Variants in CDH13 observed in about 807,000 individuals in gnomAD.
CDH13 encodes cadherin 13.
CDH13 carries 24 observed loss-of-function variants against 63.8 expected under a neutral mutation model. The ratio of observed to expected loss-of-function variants is 0.38; its 90% CI spans 0.27 to 0.53. CDH13 has a LOEUF of 0.53. Among genes scored for constraint, CDH13 ranks in the 20% least tolerant of loss-of-function variants. The pLI is 0.85. For synonymous variants in CDH13, 503 were observed against 355.3 expected (o/e 1.42, Z -4.67); for missense variants, 1,049 against 903.1 (o/e 1.16, Z -2.07).
At chr16:83,463,089 A>G (rs2073221294) in intron 6 of CDH13, among the ~76,000 whole-genome samples, 1 of 152,070 alleles carries the variant, frequency 6.6e-6, no homozygotes, top group Non-Finnish European at 1.5e-5. Flanking sequence ...CTCGGGAAGG[A>G]GTGTTGGGGC....
intron 3 of CDH13, among the ~76,000 whole-genome samples, chr16:83,057,163 C>T (rs2031032368): frequency 2.0e-5 from 3 of 152,098 alleles, no homozygotes; most frequent in Admixed American, 1.3e-4. Context: ...AATGGGGTTT[C>T]ACCATGTTGG....
At chr16:83,315,181 T>C (rs1388229972) in intron 5 of CDH13, among the ~76,000 whole-genome samples, 2 of 152,248 alleles carry the variant, frequency 1.3e-5, no homozygotes, top group African/African-American at 4.8e-5. Flanking sequence ...CCTAAGCTCA[T>C]ATGTGGAAGC....
rs1000799130 is a variant in CDH13, at chr16:83,509,750, G to C, written c.960+23095G>C. ...AAAAAATACTAATAATAAAAACTAA[G>C]TTTTATTAAAGCCTTATTATGAGTC... On this transcript the variant is annotated intron_variant, in intron 7 of 13. Coordinates refer to ENST00000567109, the MANE Select transcript of CDH13 (RefSeq NM_001257.5). Among the ~76,000 whole-genome samples the C allele has an allele frequency of 2.0e-5, 3 of 152,128 alleles. No homozygotes were observed. The East Asian group carries it at 5.8e-4, about 29-fold the overall frequency.
chr16:83,259,919 G>A (rs1381348846), intron 5 of CDH13, among the ~76,000 whole-genome samples: 1 of 152,052 alleles, frequency 6.6e-6, no homozygotes, highest in Non-Finnish European at 1.5e-5. Context: ...TGCTCATCGT[G>A]CAACCAAATG....
chr16:83,439,638 A>G (rs1411747961), intron 6 of CDH13, among the ~76,000 whole-genome samples: 3 of 152,190 alleles, frequency 2.0e-5, no homozygotes, highest in African/African-American at 7.2e-5. Flanking sequence ...GGCTTCGGCA[A>G]TGTTCAGGTC....
rs533088141 is a variant in CDH13 at position 83,201,596 on chromosome 16, G to A, written c.484-15749G>A. ...AGCATAATTTGGGACCAAGGCTGAGGAATAAGATTGAGTAACGTTGGCTGG... is the reference window on the plus strand; with the variant it reads ...AGCATAATTTGGGACCAAGGCTGAGAAATAAGATTGAGTAACGTTGGCTGG... On this transcript the variant is annotated intron_variant, in intron 4 of 13. Coordinates refer to ENST00000567109, the MANE Select transcript of CDH13 (RefSeq NM_001257.5). Among the ~76,000 whole-genome samples, 273 of 152,122 alleles carry A rather than the reference G, an allele frequency of 1.8e-3. 2 individuals carry two copies. The highest frequency in any genetic ancestry group is 6.2e-3 in the African/African-American group (259 of 41,528).
At chr16:82,954,533 T>G (rs1905767555) in intron 2 of CDH13, 3 of 152,082 alleles carry the variant, frequency 2.0e-5, no homozygotes, top group African/African-American at 7.2e-5. Flanking sequence ...TTCCAAAGAA[T>G]TTTTTTGCTC....
chr16:83,582,656 G>T (rs540168851), intron 7 of CDH13, among the ~76,000 whole-genome samples: 7 of 152,144 alleles, frequency 4.6e-5, no homozygotes, highest in Non-Finnish European at 8.8e-5. Flanking sequence ...CTTCCCAGCC[G>T]TGGGACATTT....
At chr16:82,654,025 C>T (rs566432297) in intron 1 of CDH13, among the ~76,000 whole-genome samples, 2 of 152,310 alleles carry the variant, frequency 1.3e-5, no homozygotes, top group African/African-American at 4.8e-5. Context: ...GTTGGAATCA[C>T]TCAGGCAGAG....
At chr16:83,763,768 T>C (rs896795237) in intron 11 of CDH13, among the ~76,000 whole-genome samples, 7 of 152,082 alleles carry the variant, frequency 4.6e-5, no homozygotes, top group African/African-American at 1.7e-4. Context: ...ACTCGCAAAA[T>C]ATCAGTCATG....
At chr16:83,049,325 C>CTTTTTTT (rs34082309) in intron 3 of CDH13, among the ~76,000 whole-genome samples, 4 of 126,100 alleles carry the variant, frequency 3.2e-5, no homozygotes, top group African/African-American at 9.2e-5. Flanking sequence ...TGACTGGCCT[C>CTTTTTTT]TTTTTTTTTT....
At chr16:82,787,432 G>T (rs1014733357) in intron 1 of CDH13, among the ~76,000 whole-genome samples, 6 of 152,184 alleles carry the variant, frequency 3.9e-5, no homozygotes, top group African/African-American at 1.4e-4. Flanking sequence ...CGTCACAGAA[G>T]GCAGATGTCG....
At chr16:83,370,270 C>T (rs775870577) in intron 6 of CDH13, among the ~76,000 whole-genome samples, 5 of 151,674 alleles carry the variant, frequency 3.3e-5, no homozygotes, top group African/African-American at 4.9e-5. Flanking sequence ...CGGCTATAGT[C>T]GCAGCTACTC....
intron 4 of CDH13, among the ~76,000 whole-genome samples, chr16:83,198,546 C>A (rs953318044): frequency 1.3e-5 from 2 of 152,154 alleles, no homozygotes; most frequent in Admixed American, 6.6e-5. Context: ...GAAGGTGCAT[C>A]TTGATGGATA....
intron 6 of CDH13, among the ~76,000 whole-genome samples, chr16:83,411,056 C>A (rs2092118946): frequency 6.6e-6 from 1 of 152,172 alleles, no homozygotes; most frequent in African/African-American, 2.4e-5. Context: ...CATGCTGATC[C>A]ATCCATAGCG....
intron 7 of CDH13, among the ~76,000 whole-genome samples, chr16:83,561,262 C>G (rs2075702956): frequency 6.6e-6 from 1 of 151,140 alleles, no homozygotes; most frequent in Non-Finnish European, 1.5e-5. Context: ...GCCTGACCAA[C>G]ATGGAGAAAT....
rs997466948 is a variant in CDH13, at chr16:83,014,337, A to C, written c.158-17673A>C. Among the ~76,000 whole-genome samples, 11 of 151,444 alleles carry C rather than the reference A, an allele frequency of 7.3e-5. No homozygotes were observed. In the East Asian group the frequency reaches 1.5e-3, roughly 21 times the overall value. On this transcript the variant is annotated intron_variant, in intron 2 of 13. Coordinates refer to ENST00000567109, the MANE Select transcript of CDH13 (RefSeq NM_001257.5). The stretch of plus-strand genomic sequence containing the variant: ...AAATCGATAAAAAAAAAAAAAAAAA[A>C]AAAAAACTTAGCATCTAACTAAATT...
intron 7 of CDH13, among the ~76,000 whole-genome samples, chr16:83,552,488 G>C (rs186671399): frequency 1.7e-4 from 26 of 152,270 alleles, no homozygotes; most frequent in African/African-American, 6.0e-4. Context: ...CTCCTAGTCA[G>C]GCATTAACTA....
intron 1 of CDH13, among the ~76,000 whole-genome samples, chr16:82,724,228 A>G (rs558635930): frequency 2.6e-4 from 40 of 152,284 alleles, no homozygotes; most frequent in Admixed American, 2.6e-3. Context: ...GAATTTCATT[A>G]ATCCAGTCAT....
Sources: gnomAD v4.1 joint callset for allele counts (sites outside exome capture counted in the v4.1 genomes callset) on GRCh38, gnomAD v4.1.1 for gene constraint, MANE v1.5 for transcripts, NCBI Gene and HGNC (gene_info 2026-07-23, HGNC 2026-07-21) for gene names.